AQP11: variants seen among roughly 807,000 people sequenced by gnomAD.
AQP11 encodes aquaporin-11.
In AQP11, 20 loss-of-function variants were observed where a neutral mutation model predicts 21.1. That is an observed-to-expected ratio of 0.95 (90% CI 0.67 to 1.38). AQP11 has a LOEUF of 1.38. AQP11 is among the 40% of genes most tolerant of loss of function. The pLI is 0.00. For missense variants in AQP11, 339 were observed against 340.4 expected, an observed-to-expected ratio of 1.00 and a Z score of 0.03; for synonymous variants, 167 against 150.1, an observed-to-expected ratio of 1.11 and a Z score of -0.82.
chr11:77,604,313 G>A (rs1193435548), intron 2 of AQP11, among the ~76,000 whole-genome samples: 1 of 151,994 alleles, frequency 6.6e-6, no homozygotes, highest in East Asian at 1.9e-4. Context: ...ATGAGGTCTC[G>A]CTATGTTGCT....
intron 2 of AQP11, among the ~76,000 whole-genome samples, chr11:77,605,511 A>T (rs2135751256): frequency 6.6e-6 from 1 of 152,248 alleles, no homozygotes; most frequent in South Asian, 2.1e-4. Flanking sequence ...CTCCTGTCAG[A>T]TCAGCGGTGG....
chr11:77,595,697 G>A (rs1056734554), intron 1 of AQP11, among the ~76,000 whole-genome samples: 3 of 152,110 alleles, frequency 2.0e-5, no homozygotes, highest in Non-Finnish European at 2.9e-5. Context: ...AGAGGCAGGC[G>A]GATCACCTGA....
chr11:77,590,096 C>G lies in AQP11; in HGVS notation c.104C>G (p.Ala35Gly). 6.2e-7 allele frequency: 1 copy of G among 1,607,516 alleles called. No individual in the cohort carries two copies. Among genetic ancestry groups the G allele is most frequent in the South Asian group, 1.1e-5 (1 of 90,922 alleles). The change falls in exon 1 of 3, where the codon GCC becomes GGC. Residue 35 changes from alanine (A) to glycine (G), a missense_variant. Transcript: ENST00000313578. ...CTCATGGGGCTGGCCCGCGTAGTCG[C>G]CCGGCAGCAGCTGCACAGGCCGGTG... ...VLLMGLARVVARQQLHRPVAH... is the reference protein window; with the variant it reads ...VLLMGLARVVGRQQLHRPVAH...
At position 77,601,960 on chromosome 11, in the gene AQP11, G is replaced by A. The variant is rs540790236; in HGVS notation, c.620-1596G>A. ...CTAGAATTCACACAGCATCACTCCT[G>A]TTACATTCAGAATTCCCATAGCCCT... On this transcript the variant is annotated intron_variant, in intron 1 of 2. Coordinates refer to ENST00000313578, the MANE Select transcript of AQP11 (RefSeq NM_173039.3). Among the ~76,000 whole-genome samples the A allele has an allele frequency of 7.9e-5, 12 of 152,214 alleles. No individual in the cohort carries two copies. In the South Asian group the frequency reaches 2.1e-3, roughly 26 times the overall value.
intron 1 of AQP11, among the ~76,000 whole-genome samples, chr11:77,601,344 C>A (rs7936975): frequency 1.5e-5 from 2 of 129,408 alleles, no homozygotes; most frequent in Non-Finnish European, 1.6e-5. Flanking sequence ...CCATTCAAAA[C>A]TTTTTTTTTT....
intron 1 of AQP11, among the ~76,000 whole-genome samples, chr11:77,596,494 G>GTGTAAA (rs1958781326): frequency 8.5e-6 from 1 of 117,916 alleles, no homozygotes; most frequent in African/African-American, 3.3e-5. Context: ...GTAAATATAT[G>GTGTAAA]TGTAAATATA....
intron 1 of AQP11, among the ~76,000 whole-genome samples, chr11:77,597,042 C>T (rs1353293628): frequency 6.6e-6 from 1 of 151,734 alleles, no homozygotes; most frequent in African/African-American, 2.4e-5. Context: ...TTATTATTTC[C>T]CTCTATATTT....
intron 1 of AQP11, among the ~76,000 whole-genome samples, chr11:77,594,475 C>T (rs1006195502): frequency 6.6e-6 from 1 of 152,108 alleles, no homozygotes; most frequent in Non-Finnish European, 1.5e-5. Context: ...CCATCTCTCC[C>T]TTTTATTTTC....
At chr11:77,592,271 GAAAAAAAA>G (rs373492208) in intron 1 of AQP11, among the ~76,000 whole-genome samples, 3 of 137,190 alleles carry the variant, frequency 2.2e-5, no homozygotes, top group African/African-American at 8.0e-5. Flanking sequence ...TGTCTCAAAA[GAAAAAAAA>G]AAAGAAAAAG....
chr11:77,592,761 CT>C (rs960654379), intron 1 of AQP11, among the ~76,000 whole-genome samples: 5 of 152,124 alleles, frequency 3.3e-5, no homozygotes, highest in East Asian at 1.9e-4. Flanking sequence ...AAACACTGCC[CT>C]TTTTTTCTTG....
chr11:77,604,158 C>G (rs1038308821), intron 2 of AQP11, among the ~76,000 whole-genome samples: 1 of 151,978 alleles, frequency 6.6e-6, no homozygotes, highest in African/African-American at 2.4e-5. Context: ...GTCACCCAGG[C>G]TTGAGGGCAG....
intron 2 of AQP11, among the ~76,000 whole-genome samples, chr11:77,609,007 A>T (rs993357424): frequency 7.9e-5 from 12 of 152,328 alleles, no homozygotes; most frequent in Non-Finnish European, 1.6e-4. Flanking sequence ...TATCCTTTGA[A>T]TTCATTGTTT....
At chr11:77,608,392 G>T (rs185835317) in intron 2 of AQP11, among the ~76,000 whole-genome samples, 215 of 152,280 alleles carry the variant, frequency 1.4e-3, no homozygotes, top group African/African-American at 3.3e-3. Context: ...GGAGGCCAAG[G>T]GGGGTGGATC....
rs1238495199 is a variant in AQP11 at position 77,590,285 on chromosome 11, G to T, written c.293G>T (p.Ser98Ile). Residue 98 changes from serine (S) to isoleucine (I), a missense_variant, in exon 1 of 3, where the codon AGC becomes ATC. Ser to Ile is a moderately radical substitution (Grantham distance 142, BLOSUM62 -2). Coordinates refer to ENST00000313578, the MANE Select transcript of AQP11 (RefSeq NM_173039.3). ...GGCCTGACTCTGGTGGGCACGTCCAGCAACCCGTGCGGCGTGATGATGCAG... is the reference window on the plus strand; with the variant it reads ...GGCCTGACTCTGGTGGGCACGTCCATCAACCCGTGCGGCGTGATGATGCAG... ...VHGLTLVGTS[S>I]NPCGVMMQMM... 6.2e-7 allele frequency: 1 copy of T among 1,604,306 alleles called. No homozygotes were observed. The highest frequency in any genetic ancestry group is 1.3e-5 in the African/African-American group (1 of 74,774).
Position 77,609,526 on chromosome 11 carries a change from C to G in AQP11, c.*149C>G. On this transcript the variant is annotated 3_prime_UTR_variant, in exon 3 of 3. Transcript: ENST00000313578. ...TGCCTTATAGTTTTCATCACTGGGA[C>G]TTTAAAAAAAAATTACTGTGAAAAT... 9.8e-6 allele frequency: 5 copies of G among 511,876 alleles called. No individual in the cohort carries two copies. The Middle Eastern group carries it at 9.4e-4, about 96-fold the overall frequency. The allele number at this position is 511,876 out of a possible 1,614,324, so 31.7% of individuals were successfully genotyped here. A position where few individuals can be genotyped will look rare whatever the true frequency, so the allele number is the denominator to read the frequency against.
chr11:77,606,618 T>TGGCTGCAACCTC (rs1252734618), intron 2 of AQP11, among the ~76,000 whole-genome samples: 1 of 152,198 alleles, frequency 6.6e-6, no homozygotes, highest in Non-Finnish European at 1.5e-5. Flanking sequence ...GGTGCAATCT[T>TGGCTGCAACCTC]GGCTGCAACC....
chr11:77,603,851 T>C (rs1958829579), intron 2 of AQP11, among the ~76,000 whole-genome samples, 179 bp downstream of exon 2: 1 of 152,114 alleles, frequency 6.6e-6, no homozygotes, highest in Non-Finnish European at 1.5e-5. Context: ...CTGTTAAAGG[T>C]AGTCAGTTTC....
At chr11:77,595,994 G>A (rs901972730) in intron 1 of AQP11, among the ~76,000 whole-genome samples, 4 of 151,890 alleles carry the variant, frequency 2.6e-5, no homozygotes, top group African/African-American at 9.7e-5. Context: ...TTTTTAAATA[G>A]GAGCTATTAT....
intron 1 of AQP11, chr11:77,591,332 A>C (rs1345072452): frequency 2.0e-6 from 2 of 983,790 alleles, no homozygotes; most frequent in Non-Finnish European, 2.4e-6. Context: ...TGGGCAATCT[A>C]GTCCTAAGTG....
Sources: gnomAD v4.1 joint callset for allele counts (sites outside exome capture counted in the v4.1 genomes callset) on GRCh38, gnomAD v4.1.1 for gene constraint, MANE v1.5 for transcripts, NCBI Gene and HGNC (gene_info 2026-07-23, HGNC 2026-07-21) for gene names.